Variants in EBF3 observed in about 807,000 individuals in gnomAD.
EBF3 encodes the protein transcription factor COE3.
EBF3 carries 18 observed loss-of-function variants against 77.1 expected under a neutral mutation model. The ratio of observed to expected loss-of-function variants is 0.23; its 90% CI spans 0.16 to 0.35. The LOEUF is 0.35. Among genes scored for constraint, EBF3 ranks in the 10% least tolerant of loss-of-function variants. EBF3 has a pLI of 1.00. For synonymous variants in EBF3, 350 were observed against 343.5 expected (o/e 1.02, Z -0.21); for missense variants, 558 against 860.0 (o/e 0.65, Z 4.39).
At chr10:129,855,451 G>A (rs1044906513) in intron 10 of EBF3, among the ~76,000 whole-genome samples, 1 of 152,232 alleles carries the variant, frequency 6.6e-6, no homozygotes, top group Non-Finnish European at 1.5e-5. Context: ...TTATAGTCGT[G>A]TGGAAACTAC....
chr10:129,893,675 C>T (rs1449433577), intron 6 of EBF3, among the ~76,000 whole-genome samples: 1 of 152,214 alleles, frequency 6.6e-6, no homozygotes, highest in Non-Finnish European at 1.5e-5. Context: ...GGGAACGAGC[C>T]TCTCCAGCTA....
chr10:129,904,499 G>C (rs748115720), intron 6 of EBF3, among the ~76,000 whole-genome samples: 6 of 151,758 alleles, frequency 4.0e-5, no homozygotes, highest in Admixed American at 6.6e-5. Context: ...ATGGATGGAT[G>C]AATGAATGGA....
rs398054868 is a variant in EBF3 at position 129,835,848 on chromosome 10, GA to G, written c.*2094del. 1.8e-3 allele frequency: 245 copies of G among 137,792 alleles called. No homozygotes were observed. The highest frequency in any genetic ancestry group is 4.7e-3 in the African/African-American group (179 of 37,850). 8.5% of individuals were successfully genotyped at this position (137,792 alleles called of 1,614,324 possible). On this transcript the variant is annotated 3_prime_UTR_variant, in exon 17 of 17. Transcript: ENST00000440978. Reference sequence around the variant, plus strand: ...CAAAGCACTTAGTGCAAAGGAGAAAGAAAAAAAAAAAAACACCTGACACTTT... The same window carrying G: ...CAAAGCACTTAGTGCAAAGGAGAAAGAAAAAAAAAAAACACCTGACACTTT...
In EBF3 at chr10:129,964,220, C is replaced by A; in HGVS notation, c.-452G>T. 1 of 984,914 alleles carries A rather than the reference C, an allele frequency of 1.0e-6. No homozygotes were observed. The highest frequency in any genetic ancestry group is 1.2e-6 in the Non-Finnish European group (1 of 829,770). 61.0% of individuals were successfully genotyped at this position (984,914 alleles called of 1,614,324 possible). ...AGGCGGGGCGCGGCGGGGCCTGGAG[C>A]GGCGCGCGCAGCGGACGGAGGCGCA... On this transcript the variant is annotated 5_prime_UTR_variant, in exon 1 of 17. Coordinates refer to ENST00000440978, the MANE Select transcript of EBF3 (RefSeq NM_001375380.1). The surrounding 1 kb of genome is among the most constrained non-coding windows in gnomAD (Gnocchi z 4.5).
intron 6 of EBF3, among the ~76,000 whole-genome samples, chr10:129,884,706 G>A (rs1447010813): frequency 6.6e-6 from 1 of 152,192 alleles, no homozygotes; most frequent in Non-Finnish European, 1.5e-5. Flanking sequence ...CTCCCCAACT[G>A]GGAGTACCTG....
chr10:129,904,487 AGATG>A (rs1217344904), intron 6 of EBF3, among the ~76,000 whole-genome samples: 2 of 151,936 alleles, frequency 1.3e-5, no homozygotes, highest in South Asian at 2.1e-4. Flanking sequence ...ATAGATGGGC[AGATG>A]GATGGATGAA....
chr10:129,924,430 CAAA>C (rs956215243), intron 6 of EBF3, among the ~76,000 whole-genome samples: 2 of 108,450 alleles, frequency 1.8e-5, no homozygotes, highest in South Asian at 3.1e-4. Context: ...ACAACAACAA[CAAA>C]AAAAAAAAAA....
chr10:129,888,385 G>A (rs1316895826), intron 6 of EBF3, among the ~76,000 whole-genome samples: 1 of 152,248 alleles, frequency 6.6e-6, no homozygotes, highest in African/African-American at 2.4e-5. Flanking sequence ...GGTCGTTAAA[G>A]GCTGAAAGGA....
At chr10:129,936,288 C>T (rs993505752) in intron 6 of EBF3, among the ~76,000 whole-genome samples, 11 of 152,158 alleles carry the variant, frequency 7.2e-5, no homozygotes, top group Admixed American at 1.3e-4. Context: ...CAGGACATAA[C>T]CCCTGCCCAG....
chr10:129,956,900 A>AAT (rs1187015774), intron 6 of EBF3, among the ~76,000 whole-genome samples: 1 of 152,260 alleles, frequency 6.6e-6, no homozygotes, highest in African/African-American at 2.4e-5. Flanking sequence ...CAGAGATAAA[A>AAT]ATAATGTAAA....
At chr10:129,919,704 G>A (rs1856135031) in intron 6 of EBF3, among the ~76,000 whole-genome samples, 1 of 152,170 alleles carries the variant, frequency 6.6e-6, no homozygotes, top group East Asian at 1.9e-4. Flanking sequence ...CCAGGTTTCA[G>A]GGATTTAAAA....
Position 129,963,576 on chromosome 10 carries a change from G to C in EBF3, c.135-53C>G. The C allele has an allele frequency of 7.9e-7, 1 of 1,265,796 alleles. No homozygotes were observed. Among genetic ancestry groups the C allele is most frequent in the Non-Finnish European group, 1.0e-6 (1 of 998,872 alleles). The allele number at this position is 1,265,796 out of a possible 1,614,324, so 78.4% of individuals were successfully genotyped here. A position where few individuals can be genotyped will look rare whatever the true frequency, so the allele number is the denominator to read the frequency against. ...GTGAGGAGCGCGGCGCCGGCCGGCG[G>C]AGGGGGCCGGGCCGGGCCGGGGCCG... is the stretch of plus-strand genomic sequence containing the variant. On this transcript the variant is annotated intron_variant, in intron 1 of 16. Transcript: ENST00000440978. This position sits in a 1 kb window ranked among gnomAD's most constrained non-coding sequence, Gnocchi z 7.1.
intron 11 of EBF3, among the ~76,000 whole-genome samples, chr10:129,847,498 T>C: frequency 6.6e-6 from 1 of 152,206 alleles, no homozygotes; most frequent in East Asian, 1.9e-4. Flanking sequence ...TGTTCACAAA[T>C]TAAAAAGCAG....
At chr10:129,926,562 G>A (rs1856686384) in intron 6 of EBF3, among the ~76,000 whole-genome samples, 1 of 152,220 alleles carries the variant, frequency 6.6e-6, no homozygotes, top group Admixed American at 6.5e-5. Context: ...AAGCATCTCA[G>A]GGCTTGGGGG....
At chr10:129,922,823 G>T (rs1589867399) in intron 6 of EBF3, among the ~76,000 whole-genome samples, 1 of 152,208 alleles carries the variant, frequency 6.6e-6, no homozygotes, top group East Asian at 1.9e-4. Flanking sequence ...ACAGCCAGGG[G>T]GCTGAAGAAA....
chr10:129,937,363 G>A (rs1440835110), intron 6 of EBF3, among the ~76,000 whole-genome samples: 1 of 152,150 alleles, frequency 6.6e-6, no homozygotes, highest in Non-Finnish European at 1.5e-5. Flanking sequence ...GGGTGACCCT[G>A]AGTGGGAATA....
rs187851584 is a variant in EBF3 at position 129,867,772 on chromosome 10, G to A, written c.912+10C>T. The A allele has an allele frequency of 4.3e-5, 69 of 1,604,622 alleles. No homozygotes were observed. Among genetic ancestry groups the A allele is most frequent in the Admixed American group, 2.2e-4 (13 of 59,410 alleles). On this transcript the variant is annotated intron_variant, in intron 9 of 16. Transcript: ENST00000440978. ...CAACAGCGCGAAGCTGACCGAGTCC[G>A]CGGGCTTACCTCGCTCCACACCAAC...
intron 6 of EBF3, among the ~76,000 whole-genome samples, chr10:129,953,255 T>C (rs1423168734): frequency 6.6e-6 from 1 of 151,838 alleles, no homozygotes; most frequent in East Asian, 1.9e-4. Flanking sequence ...TCACAGACAA[T>C]GGAAGGTTAA....
chr10:129,957,412 A>G, intron 5 of EBF3, 86 bp from the exon 6 acceptor site: 2 of 1,082,986 alleles, frequency 1.8e-6, no homozygotes, highest in Non-Finnish European at 2.6e-6. Context: ...CTGACGTCTG[A>G]CAATGAAGCG....
Sources: allele counts gnomAD v4.1 joint callset (sites outside exome capture counted in the v4.1 genomes callset), GRCh38; gene constraint gnomAD v4.1.1; non-coding constraint Gnocchi (gnomAD v3.1); transcripts MANE v1.5; gene names NCBI Gene and HGNC (gene_info 2026-07-23, HGNC 2026-07-21).